The following OPCML variants were observed in gnomAD, a reference collection of about 807,000 sequenced individuals.
OPCML encodes opioid binding protein/cell adhesion molecule like.
OPCML carries 13 observed loss-of-function variants against 37.8 expected under a neutral mutation model. That is an observed-to-expected ratio of 0.34 (90% confidence interval 0.22 to 0.55). The LOEUF (loss-of-function observed/expected upper bound fraction) is 0.55. OPCML is among the 20% of genes least tolerant of loss of function. The pLI is 0.91. For synonymous variants in OPCML, 176 were observed against 168.8 expected, an observed-to-expected ratio of 1.04 and a Z score of -0.33; for missense variants, 341 against 435.6, an observed-to-expected ratio of 0.78 and a Z score of 1.93.
chr11:132,812,522 A>G (rs1939405534), intron 2 of OPCML, among the ~76,000 whole-genome samples: 1 of 152,178 alleles, frequency 6.6e-6, no homozygotes, highest in Non-Finnish European at 1.5e-5. Flanking sequence ...AGACTATTAG[A>G]GACAGCAATT....
At chr11:132,432,201 A>G (rs140847490) in intron 7 of OPCML, among the ~76,000 whole-genome samples, 2 of 152,330 alleles carry the variant, frequency 1.3e-5, no homozygotes, top group Non-Finnish European at 2.9e-5. Context: ...CAGGATAAAT[A>G]TAGTACTTAC....
intron 1 of OPCML, among the ~76,000 whole-genome samples, chr11:133,041,697 G>A (rs937801959): frequency 6.6e-6 from 1 of 152,140 alleles, no homozygotes; most frequent in African/African-American, 2.4e-5. Flanking sequence ...CTATCAGCAC[G>A]ATGGGACTGC....
intron 1 of OPCML, among the ~76,000 whole-genome samples, chr11:133,105,715 TC>T (rs1209492419): frequency 6.6e-6 from 1 of 152,226 alleles, no homozygotes; most frequent in Non-Finnish European, 1.5e-5. Flanking sequence ...GCACGGTAGC[TC>T]ATGCCTGCAA....
chr11:132,486,929 G>A (rs1305210757), intron 4 of OPCML, among the ~76,000 whole-genome samples: 1 of 152,122 alleles, frequency 6.6e-6, no homozygotes, highest in Non-Finnish European at 1.5e-5. Flanking sequence ...GAGGCCAAGA[G>A]CAATTCAATG....
chr11:132,914,731 G>A (rs576941431), intron 2 of OPCML, among the ~76,000 whole-genome samples: 1 of 152,214 alleles, frequency 6.6e-6, no homozygotes, highest in Non-Finnish European at 1.5e-5. Flanking sequence ...ACTGAGTCAT[G>A]AACAAAGTTG....
chr11:133,502,119 G>T (rs1947928381), intron 1 of OPCML, among the ~76,000 whole-genome samples: 1 of 152,142 alleles, frequency 6.6e-6, no homozygotes, highest in Non-Finnish European at 1.5e-5. Context: ...CAGAAGCGTG[G>T]CAGAAAAGAA....
At position 133,104,155 on chromosome 11, in the gene OPCML, T is replaced by C. The variant is rs139651626; in HGVS notation, c.62-161145A>G. Among the ~76,000 whole-genome samples, 1,300 of 152,366 alleles carry C rather than the reference T, an allele frequency of 8.5e-3. 14 individuals carry two copies. The highest frequency in any genetic ancestry group is 0.02 in the African/African-American group (822 of 41,588). On this transcript the variant is annotated intron_variant, in intron 1 of 7. Coordinates refer to ENST00000524381, the MANE Select transcript of OPCML (RefSeq NM_001012393.5). ...ATGTCCACAGGTGAGAGCGCATGGATGGATGCAACACAGTGCTTCCTGCCA... is the reference window on the plus strand; with the variant it reads ...ATGTCCACAGGTGAGAGCGCATGGACGGATGCAACACAGTGCTTCCTGCCA...
chr11:132,655,768 G>T (rs556516526), intron 3 of OPCML, among the ~76,000 whole-genome samples: 4 of 152,186 alleles, frequency 2.6e-5, no homozygotes, highest in African/African-American at 7.2e-5. Flanking sequence ...GAAAGAATGG[G>T]CAACCTGAAT....
chr11:133,112,285 C>CAAAAAA (rs370146450), intron 1 of OPCML, among the ~76,000 whole-genome samples: 2,413 of 47,666 alleles, frequency 0.051, 105 homozygotes, highest in Middle Eastern at 0.079. Flanking sequence ...GACTCTTGGC[C>CAAAAAA]AAAAAAAAAA....
chr11:132,894,708 C>A (rs183587642), intron 2 of OPCML, among the ~76,000 whole-genome samples: 2 of 152,310 alleles, frequency 1.3e-5, no homozygotes, highest in Admixed American at 1.3e-4. Flanking sequence ...ACAAAACAGG[C>A]AAGGCAAATA....
intron 1 of OPCML, among the ~76,000 whole-genome samples, chr11:132,960,079 G>A (rs1312467561): frequency 3.3e-5 from 5 of 152,182 alleles, no homozygotes; most frequent in Non-Finnish European, 7.3e-5. Context: ...TAAAACACCA[G>A]AGACAGAATT....
At chr11:133,374,139 G>A (rs1015238499) in intron 1 of OPCML, among the ~76,000 whole-genome samples, 1 of 152,160 alleles carries the variant, frequency 6.6e-6, no homozygotes, top group African/African-American at 2.4e-5. Context: ...CAGATAAATG[G>A]AGGTAACGTT....
intron 1 of OPCML, among the ~76,000 whole-genome samples, chr11:133,389,235 G>C (rs879102521): frequency 6.6e-6 from 1 of 152,120 alleles, no homozygotes; most frequent in Non-Finnish European, 1.5e-5. Context: ...TAAATCTTTC[G>C]TTCTTAAAAT....
intron 2 of OPCML, among the ~76,000 whole-genome samples, chr11:132,778,464 T>C (rs991164161): frequency 2.0e-5 from 3 of 152,192 alleles, no homozygotes; most frequent in African/African-American, 4.8e-5. Flanking sequence ...CTCAAGAACA[T>C]ATAATTTAGT....
chr11:132,519,541 G>C (rs944129918), intron 4 of OPCML, among the ~76,000 whole-genome samples: 2 of 152,074 alleles, frequency 1.3e-5, no homozygotes, highest in African/African-American at 4.8e-5. Flanking sequence ...AAAAATACAG[G>C]CATATGTGCA....
At chr11:132,555,798 G>A (rs763645236) in intron 3 of OPCML, among the ~76,000 whole-genome samples, 1 of 152,124 alleles carries the variant, frequency 6.6e-6, no homozygotes, top group South Asian at 2.1e-4. Flanking sequence ...AATGGCTTTT[G>A]TGATCTTAAC....
At chr11:133,512,574 C>T (rs1948183197) in intron 1 of OPCML, among the ~76,000 whole-genome samples, 1 of 152,162 alleles carries the variant, frequency 6.6e-6, no homozygotes, top group East Asian at 1.9e-4. Flanking sequence ...TCCCCTATTC[C>T]CAAATCTCAG....
At chr11:132,681,552 C>T (rs1318267577) in intron 2 of OPCML, among the ~76,000 whole-genome samples, 1 of 152,140 alleles carries the variant, frequency 6.6e-6, no homozygotes, top group African/African-American at 2.4e-5. Flanking sequence ...CCACTGAGAG[C>T]CTCTTTCACA....
At chr11:133,432,420 G>A (rs1044773923) in intron 1 of OPCML, among the ~76,000 whole-genome samples, 5 of 152,050 alleles carry the variant, frequency 3.3e-5, no homozygotes, top group Non-Finnish European at 5.9e-5. Context: ...TCTTACTGCA[G>A]GCTGGAGTGC....
Sources: gnomAD v4.1 joint callset for allele counts (sites outside exome capture counted in the v4.1 genomes callset) on GRCh38, gnomAD v4.1.1 for gene constraint, MANE v1.5 for transcripts, NCBI Gene and HGNC (gene_info 2026-07-23, HGNC 2026-07-21) for gene names.